MYH14: variants seen among roughly 807,000 people sequenced by gnomAD.
MYH14 encodes the protein myosin heavy chain 14, also known as myosin-14.
In MYH14, 123 loss-of-function variants were observed where a neutral mutation model predicts 255.5. The ratio of observed to expected loss-of-function variants is 0.48; its 90% confidence interval spans 0.42 to 0.56. The LOEUF is 0.56. MYH14 is among the 20% of genes least tolerant of loss of function. The pLI is 0.00. For missense variants in MYH14, 2,423 were observed against 2,802.3 expected (o/e 0.86, Z 3.06); for synonymous variants, 1,095 against 1,161.2 (o/e 0.94, Z 1.16).
At chr19:50,248,104 G>C (rs650262) in intron 12 of MYH14, among the ~76,000 whole-genome samples, 1 of 150,190 alleles carries the variant, frequency 6.7e-6, no homozygotes. Context: ...ATTGAAGGAG[G>C]TCAGGTCAGT....
chr19:50,222,627 C>T (rs1488927142), intron 3 of MYH14, among the ~76,000 whole-genome samples: 1 of 152,102 alleles, frequency 6.6e-6, no homozygotes, highest in Non-Finnish European at 1.5e-5. Context: ...GCCAGTTCCC[C>T]ACTCCCCTCC....
At chr19:50,229,966 G>A (rs1028188301) in intron 8 of MYH14, among the ~76,000 whole-genome samples, 6 of 152,130 alleles carry the variant, frequency 3.9e-5, no homozygotes, top group African/African-American at 1.4e-4. Context: ...CCAGGCTGGA[G>A]TGCAGTGGCG....
chr19:50,210,121 A>AAAAAAG (rs2032087307), intron 1 of MYH14, among the ~76,000 whole-genome samples: 1 of 149,548 alleles, frequency 6.7e-6, no homozygotes, highest in East Asian at 1.9e-4. Context: ...AAAAAAAAAA[A>AAAAAAG]AAAAAAAGAA....
At chr19:50,259,354 C>G (rs1404121940) in intron 19 of MYH14, 89 bp downstream of exon 19, 1 of 1,485,794 alleles carries the variant, frequency 6.7e-7, no homozygotes, top group African/African-American at 1.4e-5. Context: ...GGTCTCCACC[C>G]ACTCTTGTTC....
chr19:50,258,370 C>G (rs952497055), intron 18 of MYH14: 1 of 152,112 alleles, frequency 6.6e-6, no homozygotes, highest in African/African-American at 2.4e-5. Context: ...TTAACGACAG[C>G]GTGTGCCACT....
At chr19:50,253,986 G>A (rs1568503269) in intron 16 of MYH14, among the ~76,000 whole-genome samples, 1 of 152,228 alleles carries the variant, frequency 6.6e-6, no homozygotes, top group Non-Finnish European at 1.5e-5. Context: ...GGGAGGCCAA[G>A]GTGGACGGGT....
Position 50,280,176 on chromosome 19 carries a change from C to T in MYH14, c.4137+35C>T, listed in dbSNP as rs2035662437. ...CCTGCCCTTCGGCTCCACCGTCACC[C>T]TCCCCTCCTTGTCCTCCCAGCCACA... On this transcript the variant is annotated intron_variant, in intron 31 of 42. Coordinates refer to ENST00000642316, the MANE Select transcript of MYH14 (RefSeq NM_001145809.2). This position sits in a 1 kb window ranked among gnomAD's most constrained non-coding sequence, Gnocchi z 4.8. 1 of 1,562,106 alleles carries T rather than the reference C, an allele frequency of 6.4e-7. No individual in the cohort carries two copies.
Position 50,310,191 on chromosome 19 carries a change from CT to C in MYH14, c.*402del. 1 of 277,346 alleles carries C rather than the reference CT, an allele frequency of 3.6e-6. No homozygotes were observed. Among genetic ancestry groups the C allele is most frequent in the Non-Finnish European group, 6.8e-6 (1 of 146,822 alleles). 17.2% of individuals were successfully genotyped at this position (277,346 alleles called of 1,614,324 possible). ...TCTGCTTCTCTCTCTCTCTCTCTCT[CT>C]CCCTCCCTCTCCTTCCCTACCCTCT... is the stretch of plus-strand genomic sequence containing the variant. On this transcript the variant is annotated 3_prime_UTR_variant, in exon 43 of 43. Transcript: ENST00000642316.
At chr19:50,255,915 G>A (rs2034575295) in intron 17 of MYH14, among the ~76,000 whole-genome samples, 1 of 150,638 alleles carries the variant, frequency 6.6e-6, no homozygotes. Context: ...GCTTGAATGG[G>A]ATGAGTTTTG....
intron 2 of MYH14, 45 bp downstream of exon 2, chr19:50,210,815 C>A (rs575416579): frequency 6.6e-7 from 1 of 1,526,420 alleles, no homozygotes; most frequent in Non-Finnish European, 8.8e-7. Context: ...GAGTTGCTGC[C>A]GGTTGGGGAA....
chr19:50,232,277 G>A (rs951500149), intron 10 of MYH14, among the ~76,000 whole-genome samples: 1 of 152,190 alleles, frequency 6.6e-6, no homozygotes, highest in Non-Finnish European at 1.5e-5. Flanking sequence ...AGTCAATAAG[G>A]AATCACATGG....
At position 50,210,757 on chromosome 19, in the gene MYH14, C is replaced by A; in HGVS notation, c.392C>A (p.Ser131Tyr). The A allele has an allele frequency of 1.3e-6, 2 of 1,574,534 alleles. No individual in the cohort carries two copies. Among genetic ancestry groups the A allele is most frequent in the Non-Finnish European group, 1.7e-6 (2 of 1,161,328 alleles). Residue 131 changes from serine (S) to tyrosine (Y), a missense_variant, in exon 2 of 43, where the codon TCC becomes TAC. By Grantham distance (144) the Ser-to-Tyr change is moderately radical. Coordinates refer to ENST00000642316, the MANE Select transcript of MYH14 (RefSeq NM_001145809.2). ...VLHNLRERYY[S>Y]GLIYTYSGLF... ...CACAACCTCCGGGAGCGGTACTACT[C>A]CGGCCTCATCTACGTGAGTGGGCTC...
Position 50,307,228 on chromosome 19 carries a change from C to G in MYH14, c.5787+71C>G, listed in dbSNP as rs2036683970. On this transcript the variant is annotated intron_variant, in intron 41 of 42. Transcript: ENST00000642316. The stretch of plus-strand genomic sequence containing the variant: ...GGCTGAGAAATTGCACAGGCTGTCT[C>G]CAGAGGCAATGAGCTCCCATCACAA... The G allele has an allele frequency of 1.2e-5, 11 of 947,674 alleles. No individual in the cohort carries two copies. The East Asian group carries it at 2.9e-4, about 25-fold the overall frequency. The allele number at this position is 947,674 out of a possible 1,614,324, so 58.7% of individuals were successfully genotyped here.
rs765095537 is a variant in MYH14 at position 50,223,362 on chromosome 19, G to C, written c.693+13G>C. On this transcript the variant is annotated intron_variant, in intron 5 of 42. Coordinates refer to ENST00000642316, the MANE Select transcript of MYH14 (RefSeq NM_001145809.2). ...GCCGGGTGTCCCCGTAAGCAACCCC[G>C]CCTTGGGTCACCCCCGGGCCCTGCC... is the stretch of plus-strand genomic sequence containing the variant. 2 of 1,544,152 alleles carry C rather than the reference G, an allele frequency of 1.3e-6. No individual in the cohort carries two copies. Among genetic ancestry groups the C allele is most frequent in the East Asian group, 2.4e-5 (1 of 41,170 alleles).
intron 2 of MYH14, among the ~76,000 whole-genome samples, chr19:50,214,866 C>T (rs889183974): frequency 6.6e-6 from 1 of 152,092 alleles, no homozygotes; most frequent in East Asian, 1.9e-4. Context: ...CCATATCTGG[C>T]GTGTGTTGCA....
chr19:50,303,449 G>C (rs1165118157), intron 40 of MYH14, among the ~76,000 whole-genome samples: 1 of 152,126 alleles, frequency 6.6e-6, no homozygotes, highest in African/African-American at 2.4e-5. Context: ...CTTGAGGCCT[G>C]CACTTGGAAC....
At chr19:50,219,149 C>CAT (rs1012568284) in intron 3 of MYH14, among the ~76,000 whole-genome samples, 97 of 145,188 alleles carry the variant, frequency 6.7e-4, no homozygotes, top group African/African-American at 2.2e-3. Context: ...CCATGGAATA[C>CAT]ATATATATAT....
intron 10 of MYH14, among the ~76,000 whole-genome samples, chr19:50,238,716 T>G (rs2033768581): frequency 6.6e-6 from 1 of 152,112 alleles, no homozygotes; most frequent in Non-Finnish European, 1.5e-5. Context: ...CCTCCCAAAG[T>G]GCTGGGATTA....
intron 24 of MYH14, among the ~76,000 whole-genome samples, chr19:50,268,628 C>T (rs911569615): frequency 1.3e-5 from 2 of 152,198 alleles, no homozygotes; most frequent in African/African-American, 2.4e-5. Context: ...TGAGTGATTT[C>T]CTCAGCTTCA....
Sources: gnomAD v4.1 joint callset for allele counts (sites outside exome capture counted in the v4.1 genomes callset) on GRCh38, gnomAD v4.1.1 for gene constraint, Gnocchi (gnomAD v3.1) non-coding constraint, MANE v1.5 for transcripts, NCBI Gene and HGNC (gene_info 2026-07-23, HGNC 2026-07-21) for gene names.